MBNL2: variants seen among roughly 807,000 people sequenced by gnomAD.
The protein encoded by MBNL2 is muscleblind-like protein 2.
A neutral mutation model predicts 41.9 loss-of-function variants in MBNL2; 17 were observed. That is an observed-to-expected ratio of 0.41 (90% CI 0.28 to 0.61). The LOEUF (loss-of-function observed/expected upper bound fraction) is 0.61, where lower values mean the gene tolerates loss of function less well. Among genes scored for constraint, MBNL2 ranks in the 20% least tolerant of loss-of-function variants. The pLI is 0.35. For synonymous variants in MBNL2, 195 were observed against 182.9 expected (o/e 1.07, Z -0.53); for missense variants, 336 against 505.6 (o/e 0.66, Z 3.22).
At chr13:97,209,448 GA>G in the MBNL2 span, among the ~76,000 whole-genome samples, 3 of 152,208 alleles carry the variant, frequency 2.0e-5, no homozygotes, top group African/African-American at 7.2e-5. Context: ...TGAAGGTAAA[GA>G]AAGTGACTTC....
At chr13:97,351,313 A>G (rs2062430238) in intron 5 of MBNL2, among the ~76,000 whole-genome samples, 1 of 152,248 alleles carries the variant, frequency 6.6e-6, no homozygotes, top group Non-Finnish European at 1.5e-5. Context: ...TAGATTTAGC[A>G]TAATTCATAA....
chr13:97,213,975 G>A, the MBNL2 span, among the ~76,000 whole-genome samples: 1 of 152,156 alleles, frequency 6.6e-6, no homozygotes, highest in East Asian at 1.9e-4. Context: ...TCTTCATCAG[G>A]CAGCAGGCTC....
chr13:97,374,242 G>T (rs529881788), intron 8 of MBNL2, among the ~76,000 whole-genome samples: 2 of 151,814 alleles, frequency 1.3e-5, no homozygotes, highest in South Asian at 4.2e-4. Flanking sequence ...CCGCCTCCCG[G>T]GTTCACGCCA....
chr13:97,288,377 C>T (rs568225554), intron 2 of MBNL2, among the ~76,000 whole-genome samples: 3 of 152,210 alleles, frequency 2.0e-5, no homozygotes, highest in Admixed American at 2.0e-4. Flanking sequence ...TTCCTTAAGC[C>T]ATTTTCTGTT....
chr13:97,251,378 G>C (rs1024592320), intron 1 of MBNL2, among the ~76,000 whole-genome samples: 3 of 151,828 alleles, frequency 2.0e-5, no homozygotes, highest in African/African-American at 7.3e-5. Flanking sequence ...CCCATAAATA[G>C]ATACACCTAC....
intron 1 of MBNL2, among the ~76,000 whole-genome samples, chr13:97,240,376 G>A (rs957317075): frequency 5.9e-5 from 9 of 152,098 alleles, no homozygotes; most frequent in African/African-American, 1.9e-4. Context: ...CCACTTCTTT[G>A]GGCGATGCTT....
intron 1 of MBNL2, among the ~76,000 whole-genome samples, chr13:97,270,770 C>A (rs1038198576): frequency 6.6e-6 from 1 of 152,108 alleles, no homozygotes; most frequent in Non-Finnish European, 1.5e-5. Flanking sequence ...CTCTCAGTCC[C>A]GTCTCTTGAT....
Position 97,391,546 on chromosome 13 carries a change from A to C in MBNL2, c.*97A>C. 1 of 704,008 alleles carries C rather than the reference A, an allele frequency of 1.4e-6. No homozygotes were observed. The highest frequency in any genetic ancestry group is 2.5e-6 in the Non-Finnish European group (1 of 395,912). The allele number at this position is 704,008 out of a possible 1,614,324, so 43.6% of individuals were successfully genotyped here. On this transcript the variant is annotated 3_prime_UTR_variant, in exon 9 of 9. Coordinates refer to ENST00000679496, the MANE Select transcript of MBNL2 (RefSeq NM_001382683.1). ...AAATATGGTATGCTTAGTATATTCC[A>C]ACCTAAGATAGTTAACTACCTGAGA...
chr13:97,264,478 C>T (rs1219302078), intron 1 of MBNL2, among the ~76,000 whole-genome samples: 1 of 152,156 alleles, frequency 6.6e-6, no homozygotes, highest in Non-Finnish European at 1.5e-5. Context: ...GCTTCTGACA[C>T]TTCATTCTGT....
At chr13:97,297,353 G>A (rs1470657484) in intron 2 of MBNL2, among the ~76,000 whole-genome samples, 11 of 152,138 alleles carry the variant, frequency 7.2e-5, no homozygotes, top group Admixed American at 7.2e-4. Flanking sequence ...ATAAGTACCA[G>A]GAAGGGTCTC....
intron 2 of MBNL2, among the ~76,000 whole-genome samples, chr13:97,333,262 T>A (rs1386757419): frequency 6.6e-6 from 1 of 152,194 alleles, no homozygotes; most frequent in Non-Finnish European, 1.5e-5. Context: ...ATTGTATAAT[T>A]CACACATCAA....
intron 1 of MBNL2, among the ~76,000 whole-genome samples, chr13:97,256,561 C>T (rs919340837): frequency 4.6e-5 from 7 of 152,158 alleles, no homozygotes; most frequent in African/African-American, 1.2e-4. Flanking sequence ...TGCAGGTTAT[C>T]AGAGTGGCCT....
intron 2 of MBNL2, among the ~76,000 whole-genome samples, chr13:97,282,761 G>A (rs937205449): frequency 6.6e-6 from 1 of 152,118 alleles, no homozygotes; most frequent in East Asian, 1.9e-4. Flanking sequence ...CACCCTCTCT[G>A]GACACTATTC....
the MBNL2 span, among the ~76,000 whole-genome samples, chr13:97,194,079 C>T: frequency 6.6e-6 from 1 of 152,176 alleles, no homozygotes; most frequent in Non-Finnish European, 1.5e-5. Flanking sequence ...TTCAATGATA[C>T]CTTCTTAAAG....
At chr13:97,208,806 C>A in the MBNL2 span, among the ~76,000 whole-genome samples, 8,920 of 152,204 alleles carry the variant, frequency 0.059, 308 homozygotes, top group African/African-American at 0.071. Context: ...AGGTTGTGTA[C>A]TATACAACTC....
At chr13:97,360,131 T>A (rs1049793516) in intron 7 of MBNL2, among the ~76,000 whole-genome samples, 1 of 152,246 alleles carries the variant, frequency 6.6e-6, no homozygotes, top group Non-Finnish European at 1.5e-5. Flanking sequence ...CCATTACTTT[T>A]AAATGAACAG....
In MBNL2 at chr13:97,357,636, G is replaced by C; in HGVS notation, c.1012+1G>C. 6.2e-7 allele frequency: 1 copy of C among 1,613,698 alleles called. No individual in the cohort carries two copies. Among genetic ancestry groups the C allele is most frequent in the Non-Finnish European group, 8.5e-7 (1 of 1,179,916 alleles). On this transcript the variant is annotated splice_donor_variant, in intron 7 of 8. Coordinates refer to ENST00000679496, the MANE Select transcript of MBNL2 (RefSeq NM_001382683.1). LOFTEE classifies it high-confidence loss of function. ...CAACACGCCGCGTTCATTCCAACAG[G>C]TATGTGCCCTTACTGCCCTACGTCC...
At chr13:97,156,888 G>A in the MBNL2 span, among the ~76,000 whole-genome samples, 25 of 152,026 alleles carry the variant, frequency 1.6e-4, 1 homozygote, top group South Asian at 4.2e-3. Flanking sequence ...GGCTCTTTTG[G>A]TTCCATATGA....
At chr13:97,276,777 A>T (rs1338167524) in intron 2 of MBNL2, among the ~76,000 whole-genome samples, 2 of 151,088 alleles carry the variant, frequency 1.3e-5, no homozygotes, top group East Asian at 3.9e-4. Context: ...AGTGCCAGTT[A>T]TTCTGGCTTA....
Sources: allele counts gnomAD v4.1 joint callset (sites outside exome capture counted in the v4.1 genomes callset), GRCh38; gene constraint gnomAD v4.1.1; transcripts MANE v1.5; gene names NCBI Gene and HGNC (gene_info 2026-07-23, HGNC 2026-07-21).